The following TMEM132B variants were observed in gnomAD, a reference collection of about 807,000 sequenced individuals.
The protein encoded by TMEM132B is transmembrane protein 132B.
TMEM132B carries 18 observed loss-of-function variants against 90.8 expected under a neutral mutation model. The observed-to-expected ratio is 0.20, with a 90% CI of 0.14 to 0.29. TMEM132B has a LOEUF of 0.29. TMEM132B is among the 10% of genes least tolerant of loss of function. The pLI is 1.00. For missense variants in TMEM132B, 1,096 were observed against 1,326.8 expected (o/e 0.83, Z 2.70); for synonymous variants, 504 against 523.3 (o/e 0.96, Z 0.50).
chr12:125,265,524 A>G (rs76044377), intron 1 of TMEM132B, among the ~76,000 whole-genome samples: 45 of 152,334 alleles, frequency 3.0e-4, no homozygotes, highest in African/African-American at 9.9e-4. Flanking sequence ...AACCACAGAA[A>G]GTGAGAGCAA....
chr12:125,189,817 G>A (rs888662919), intron 1 of TMEM132B, among the ~76,000 whole-genome samples: 9 of 152,152 alleles, frequency 5.9e-5, no homozygotes, highest in African/African-American at 2.2e-4. Context: ...CTGGGGTGGG[G>A]GTGGTCTCTG....
intron 1 of TMEM132B, among the ~76,000 whole-genome samples, chr12:125,241,333 T>C (rs1378182271): frequency 6.6e-6 from 1 of 152,208 alleles, no homozygotes; most frequent in Non-Finnish European, 1.5e-5. Flanking sequence ...CCTGTGCTTC[T>C]CTTGGAGGCA....
At chr12:125,422,765 G>A (rs188364698) in intron 3 of TMEM132B, among the ~76,000 whole-genome samples, 3 of 152,296 alleles carry the variant, frequency 2.0e-5, no homozygotes, top group East Asian at 1.9e-4. Flanking sequence ...ACCAAGGAAC[G>A]TCTGGAGCCA....
At chr12:125,432,707 T>C (rs755361145) in intron 3 of TMEM132B, among the ~76,000 whole-genome samples, 18 of 151,784 alleles carry the variant, frequency 1.2e-4, no homozygotes, top group Non-Finnish European at 2.6e-4. Context: ...CTTGCTTACT[T>C]AACAAGCAGT....
intron 3 of TMEM132B, among the ~76,000 whole-genome samples, chr12:125,455,067 C>T (rs1211930320): frequency 6.6e-6 from 1 of 152,024 alleles, no homozygotes; most frequent in Non-Finnish European, 1.5e-5. Context: ...CAACAAACAA[C>T]CATTGACGAT....
chr12:125,564,305 TG>T (rs1884612435), intron 4 of TMEM132B, among the ~76,000 whole-genome samples: 1 of 152,232 alleles, frequency 6.6e-6, no homozygotes, highest in African/African-American at 2.4e-5. Flanking sequence ...TCACACGGAT[TG>T]GAAGAATGGC....
intron 4 of TMEM132B, among the ~76,000 whole-genome samples, chr12:125,579,433 C>G (rs1431236407): frequency 6.6e-6 from 1 of 151,768 alleles, no homozygotes; most frequent in East Asian, 1.9e-4. Flanking sequence ...ATGATCTCGG[C>G]TCACTGCAAT....
At chr12:125,379,310 G>T (rs1027791251) in intron 2 of TMEM132B, among the ~76,000 whole-genome samples, 1 of 152,184 alleles carries the variant, frequency 6.6e-6, no homozygotes, top group Admixed American at 6.5e-5. Flanking sequence ...GATCTTCAAT[G>T]GGACGAGGGA....
intron 3 of TMEM132B, among the ~76,000 whole-genome samples, chr12:125,417,949 T>A (rs1037000645): frequency 2.0e-5 from 3 of 151,248 alleles, no homozygotes; most frequent in African/African-American, 7.3e-5. Flanking sequence ...GGGCAGAGAG[T>A]GGGGGAGGGA....
At chr12:125,363,724 A>G (rs533122029) in intron 2 of TMEM132B, among the ~76,000 whole-genome samples, 2 of 152,288 alleles carry the variant, frequency 1.3e-5, no homozygotes, top group African/African-American at 2.4e-5. Context: ...TACATGAGGA[A>G]ACTGAGGCTT....
intron 5 of TMEM132B, among the ~76,000 whole-genome samples, chr12:125,641,897 A>C (rs1886640006): frequency 6.6e-6 from 1 of 152,204 alleles, no homozygotes; most frequent in Non-Finnish European, 1.5e-5. Context: ...GGACTGAGAA[A>C]GTTCTGGCAA....
At chr12:125,530,241 T>TC (rs896760803) in intron 4 of TMEM132B, among the ~76,000 whole-genome samples, 9 of 152,174 alleles carry the variant, frequency 5.9e-5, no homozygotes, top group Non-Finnish European at 1.0e-4. Flanking sequence ...TAGTTTTTTT[T>TC]TTTTTAAACC....
chr12:125,626,661 C>A (rs910970850), intron 5 of TMEM132B, among the ~76,000 whole-genome samples: 2 of 152,004 alleles, frequency 1.3e-5, no homozygotes, highest in Non-Finnish European at 2.9e-5. Flanking sequence ...AGAAGTCTGC[C>A]GTAATTGTTA....
intron 4 of TMEM132B, among the ~76,000 whole-genome samples, chr12:125,566,839 T>C (rs1884670337): frequency 6.0e-5 from 2 of 33,070 alleles, no homozygotes; most frequent in Admixed American, 8.6e-4. Context: ...CTTCTTCTTT[T>C]TTTTTTTTTT....
intron 4 of TMEM132B, among the ~76,000 whole-genome samples, chr12:125,570,176 A>G (rs936913071): frequency 6.6e-6 from 1 of 152,220 alleles, no homozygotes; most frequent in Non-Finnish European, 1.5e-5. Context: ...TTTGCAGTCT[A>G]GTGACTTTAA....
chr12:125,471,996 C>G, intron 3 of TMEM132B, among the ~76,000 whole-genome samples: 1 of 152,110 alleles, frequency 6.6e-6, no homozygotes, highest in East Asian at 1.9e-4. Context: ...GGTCTTAATA[C>G]CTGGCAGAGT....
At chr12:125,194,298 G>A (rs1283078118) in intron 1 of TMEM132B, among the ~76,000 whole-genome samples, 2 of 151,720 alleles carry the variant, frequency 1.3e-5, no homozygotes, top group Non-Finnish European at 2.9e-5. Flanking sequence ...TTGTGGCCAC[G>A]CCTCCGAGTC....
chr12:125,510,647 T>C (rs1427190228), intron 3 of TMEM132B, among the ~76,000 whole-genome samples: 1 of 152,228 alleles, frequency 6.6e-6, no homozygotes, highest in Non-Finnish European at 1.5e-5. Flanking sequence ...TATTAACTCT[T>C]GCTATTTGGC....
At chr12:125,397,067 G>T (rs1593122172) in intron 2 of TMEM132B, among the ~76,000 whole-genome samples, 1 of 152,008 alleles carries the variant, frequency 6.6e-6, no homozygotes, top group African/African-American at 2.4e-5. Flanking sequence ...CCCCTCCCAG[G>T]TTCAAGCAAT....
Sources: allele counts gnomAD v4.1 joint callset (sites outside exome capture counted in the v4.1 genomes callset), GRCh38; gene constraint gnomAD v4.1.1; transcripts MANE v1.5; gene names NCBI Gene and HGNC (gene_info 2026-07-23, HGNC 2026-07-21).